FRS2: variants seen among roughly 807,000 people sequenced by gnomAD.
The protein encoded by FRS2 is FGFR signalling adaptor.
Under a neutral mutation model 43.9 loss-of-function variants are expected in FRS2, and 8 were observed. The observed-to-expected ratio is 0.18, with a 90% confidence interval of 0.11 to 0.33. The LOEUF is 0.33. FRS2 is among the 10% of genes least tolerant of loss of function. The pLI is 1.00. For synonymous variants in FRS2, 219 were observed against 220.3 expected (o/e 0.99, Z 0.05); for missense variants, 534 against 627.6 (o/e 0.85, Z 1.59).
In FRS2 at chr12:69,576,323, C is replaced by T. The variant is rs1881189410; in HGVS notation, c.*1368C>T. ...AATATTGTTGCCAGCATAGCAGGTA[C>T]AGTGGAAGTCTTGTAGCAGTGAGAT... On this transcript the variant is annotated 3_prime_UTR_variant, in exon 9 of 9. Transcript: ENST00000549921. 1 of 152,102 alleles carries T rather than the reference C, an allele frequency of 6.6e-6. No homozygotes were observed. The allele number at this position is 152,102 out of a possible 1,614,324, so 9.4% of individuals were successfully genotyped here. A position where few individuals can be genotyped will look rare whatever the true frequency, so the allele number is the denominator to read the frequency against.
chr12:69,476,602 A>G (rs900002947), intron 1 of FRS2, among the ~76,000 whole-genome samples: 11 of 152,106 alleles, frequency 7.2e-5, no homozygotes, highest in African/African-American at 2.7e-4. Flanking sequence ...ACTGTGCGTA[A>G]TGGGTTATGT....
At chr12:69,559,179 C>G (rs966613960) in intron 3 of FRS2, among the ~76,000 whole-genome samples, 2 of 152,170 alleles carry the variant, frequency 1.3e-5, no homozygotes, top group Admixed American at 1.3e-4. Flanking sequence ...GATTTATCCA[C>G]AGAAAAGTGA....
intron 1 of FRS2, among the ~76,000 whole-genome samples, chr12:69,518,797 C>T (rs989380877): frequency 6.6e-6 from 1 of 151,810 alleles, no homozygotes; most frequent in Non-Finnish European, 1.5e-5. Context: ...GGTGGATCAC[C>T]TGAGGTCTGG....
intron 1 of FRS2, among the ~76,000 whole-genome samples, chr12:69,473,175 C>T (rs1485157330): frequency 6.6e-6 from 1 of 152,222 alleles, no homozygotes; most frequent in African/African-American, 2.4e-5. Context: ...CTTAGCTTCA[C>T]AGCAATATGT....
chr12:69,550,798 C>CT (rs1878805948), intron 3 of FRS2, among the ~76,000 whole-genome samples: 1 of 152,142 alleles, frequency 6.6e-6, no homozygotes, highest in South Asian at 2.1e-4. Context: ...AAATTTAAAA[C>CT]TTTAAGGCTT....
At chr12:69,484,063 T>A (rs1871594863) in intron 1 of FRS2, among the ~76,000 whole-genome samples, 1 of 152,124 alleles carries the variant, frequency 6.6e-6, no homozygotes, top group Non-Finnish European at 1.5e-5. Flanking sequence ...AAATGTGATA[T>A]TACTTTTAAT....
At chr12:69,562,376 G>T in intron 4 of FRS2, 102 bp downstream of exon 4, 1 of 390,996 alleles carries the variant, frequency 2.6e-6, no homozygotes, top group Non-Finnish European at 4.5e-6. Context: ...TGTTGCCCAG[G>T]CGGTTTCTAA....
At chr12:69,570,162 G>A (rs1180854286) in intron 5 of FRS2, among the ~76,000 whole-genome samples, 169 bp from the exon 6 acceptor site, 1 of 152,230 alleles carries the variant, frequency 6.6e-6, no homozygotes, top group Non-Finnish European at 1.5e-5. Flanking sequence ...CAGTGGGAAT[G>A]TAAATTTCTT....
At chr12:69,516,363 C>T (rs1384105020) in intron 1 of FRS2, among the ~76,000 whole-genome samples, 9 of 151,940 alleles carry the variant, frequency 5.9e-5, no homozygotes, top group African/African-American at 1.9e-4. Flanking sequence ...GGATTACAGG[C>T]GTGTGCCACC....
Position 69,571,416 on chromosome 12 carries a change from A to T in FRS2, c.394A>T (p.Thr132Ser), listed in dbSNP as rs777868123. ...TCAGACAGAATTGGAAGTCCCTAGA[A>T]CACCTCGAACACCTACAAGTAAGTA... ...NHQTELEVPR[T>S]PRTPTTPGFA... Residue 132 changes from threonine (T) to serine (S), a missense_variant, in exon 7 of 9, where the codon ACA becomes TCA. Physicochemically the swap from Thr to Ser is moderately conservative, Grantham distance 58. Transcript: ENST00000549921. 6.2e-7 allele frequency: 1 copy of T among 1,612,108 alleles called. No individual in the cohort carries two copies. The highest frequency in any genetic ancestry group is 8.5e-7 in the Non-Finnish European group (1 of 1,179,020).
intron 1 of FRS2, among the ~76,000 whole-genome samples, chr12:69,489,706 GA>G (rs2120905783): frequency 6.6e-6 from 1 of 151,138 alleles, no homozygotes; most frequent in South Asian, 2.1e-4. Context: ...GTTGGTTGGT[GA>G]CATTCTTGTC....
chr12:69,538,197 T>TATATA lies in FRS2; in HGVS notation c.-122+6141_-122+6142insATATA, dbSNP rs1555189565. Reference sequence around the variant, plus strand: ...AATAATAAAATTAAAAAAACAAATTTTATATATATATATATATATATATAT... The same window carrying TATATA: ...AATAATAAAATTAAAAAAACAAATTTATATATATATATATATATATATATATATAT... On this transcript the variant is annotated intron_variant, in intron 3 of 8. Coordinates refer to ENST00000549921, the MANE Select transcript of FRS2 (RefSeq NM_001278356.2). 1.7e-3 allele frequency among the ~76,000 whole-genome samples: 139 copies of TATATA among 81,622 alleles called. 2 individuals are homozygous for TATATA. The highest frequency in any genetic ancestry group is 7.6e-3 in the African/African-American group (138 of 18,144). 53.5% of individuals were successfully genotyped at this position (81,622 alleles called of 152,430 possible).
At chr12:69,504,137 G>A (rs999377895) in intron 1 of FRS2, among the ~76,000 whole-genome samples, 1 of 152,142 alleles carries the variant, frequency 6.6e-6, no homozygotes, top group African/African-American at 2.4e-5. Context: ...CTGTTCTGAT[G>A]GAGCTTTCAT....
chr12:69,529,522 G>A (rs1158502609), intron 1 of FRS2, among the ~76,000 whole-genome samples: 2 of 151,908 alleles, frequency 1.3e-5, no homozygotes. Context: ...TACTCGGGAG[G>A]CTAAGACAGA....
intron 3 of FRS2, among the ~76,000 whole-genome samples, chr12:69,543,504 G>A (rs1878098913): frequency 1.3e-5 from 2 of 152,272 alleles, no homozygotes; most frequent in African/African-American, 4.8e-5. Flanking sequence ...TGAAGAGCTA[G>A]GGAATAAAAA....
chr12:69,529,494 T>C (rs1876580274), intron 1 of FRS2, among the ~76,000 whole-genome samples: 2 of 151,844 alleles, frequency 1.3e-5, no homozygotes, highest in Non-Finnish European at 2.9e-5. Flanking sequence ...CGTGGTGGCA[T>C]GTGCCTGTAA....
At chr12:69,492,807 TTC>T (rs1872588951) in intron 1 of FRS2, among the ~76,000 whole-genome samples, 2 of 152,228 alleles carry the variant, frequency 1.3e-5, no homozygotes, top group Admixed American at 6.5e-5. Flanking sequence ...GTAGCAATAA[TTC>T]TCTGTTTGGT....
intron 1 of FRS2, among the ~76,000 whole-genome samples, chr12:69,520,226 G>T: frequency 6.6e-6 from 1 of 152,014 alleles, no homozygotes; most frequent in Non-Finnish European, 1.5e-5. Flanking sequence ...GTGTTGGTAC[G>T]TGTCCTTTGC....
intron 3 of FRS2, among the ~76,000 whole-genome samples, chr12:69,540,529 TATGAATAAATGATTGAATAA>T (rs1204872395): frequency 6.6e-6 from 1 of 152,192 alleles, no homozygotes; most frequent in Admixed American, 6.5e-5. Flanking sequence ...CTGATACTGG[TATGAATAAATGATTGAATAA>T]ATGAATAAAT....
Sources: allele counts gnomAD v4.1 joint callset (sites outside exome capture counted in the v4.1 genomes callset), GRCh38; gene constraint gnomAD v4.1.1; transcripts MANE v1.5; gene names NCBI Gene and HGNC (gene_info 2026-07-23, HGNC 2026-07-21).